ZBTB20: variants seen among roughly 807,000 people sequenced by gnomAD.
ZBTB20 encodes the protein zinc finger and BTB domain-containing protein 20.
Under a neutral mutation model 56.9 loss-of-function variants are expected in ZBTB20, and 9 were observed. That is an observed-to-expected ratio of 0.16 (90% CI 0.10 to 0.28). ZBTB20 has a LOEUF of 0.28. ZBTB20 is among the 10% of genes least tolerant of loss of function. The probability of loss-of-function intolerance (pLI) is 1.00; values close to 1 mark genes in which losing one functional copy is unlikely to be tolerated. For missense variants in ZBTB20, 655 were observed against 1,003.0 expected (o/e 0.65, Z 4.69); for synonymous variants, 417 against 420.7 (o/e 0.99, Z 0.11).
At chr3:114,538,069 T>C (rs1577379246) in intron 6 of ZBTB20, among the ~76,000 whole-genome samples, 1 of 152,090 alleles carries the variant, frequency 6.6e-6, no homozygotes, top group South Asian at 2.1e-4. Flanking sequence ...CACCATGGCA[T>C]GTGTATACCT....
chr3:114,369,258 G>A (rs372277260), intron 10 of ZBTB20, among the ~76,000 whole-genome samples: 2 of 152,090 alleles, frequency 1.3e-5, no homozygotes, highest in Non-Finnish European at 2.9e-5. Context: ...TAAAAATTCT[G>A]TACTCTTTGG....
chr3:114,596,232 T>C (rs547068773), intron 6 of ZBTB20, among the ~76,000 whole-genome samples: 6 of 152,044 alleles, frequency 3.9e-5, no homozygotes, highest in African/African-American at 1.2e-4. Context: ...TAAGCAAAAA[T>C]ACAAACAAAA....
intron 7 of ZBTB20, among the ~76,000 whole-genome samples, chr3:114,444,894 A>G (rs2091171503): frequency 6.6e-6 from 1 of 152,128 alleles, no homozygotes; most frequent in African/African-American, 2.4e-5. Flanking sequence ...TGTTTTCCAA[A>G]TATAAAACAT....
At chr3:114,731,325 G>GT (rs2065734108) in intron 5 of ZBTB20, among the ~76,000 whole-genome samples, 1 of 152,026 alleles carries the variant, frequency 6.6e-6, no homozygotes, top group African/African-American at 2.4e-5. Context: ...TCTCTGCTAC[G>GT]TCATTCATGA....
chr3:114,860,300 C>A (rs1044647885), intron 4 of ZBTB20, among the ~76,000 whole-genome samples: 3 of 46,754 alleles, frequency 6.4e-5, no homozygotes, highest in Non-Finnish European at 1.4e-4. Flanking sequence ...AGCAAGACTC[C>A]GTCTCAAAAA....
Position 114,919,629 on chromosome 3 carries a change from C to T in ZBTB20, c.-455-19287G>A, listed in dbSNP as rs544702881. ...CTGAGGCAGGAGAATCACTTGAACC[C>T]GGGAGGCAGAGTTTGCAGTGAGCCA... On this transcript the variant is annotated intron_variant, in intron 3 of 11. Transcript: ENST00000675478. Among the ~76,000 whole-genome samples the T allele has an allele frequency of 3.1e-4, 47 of 151,652 alleles. 1 individual carries two copies. Among genetic ancestry groups the T allele is most frequent in the African/African-American group, 8.9e-4 (37 of 41,344 alleles).
intron 5 of ZBTB20, among the ~76,000 whole-genome samples, chr3:114,746,592 T>C (rs1177951934): frequency 6.6e-6 from 1 of 152,168 alleles, no homozygotes; most frequent in Non-Finnish European, 1.5e-5. Flanking sequence ...ACACTACAGC[T>C]TGAAACAGCT....
chr3:114,463,981 T>C (rs1411368370), intron 7 of ZBTB20, among the ~76,000 whole-genome samples: 2 of 152,240 alleles, frequency 1.3e-5, no homozygotes, highest in African/African-American at 4.8e-5. Flanking sequence ...TCTGAATATA[T>C]TGAACTGCTA....
chr3:115,013,229 G>T (rs1418061912), intron 2 of ZBTB20, among the ~76,000 whole-genome samples: 1 of 151,294 alleles, frequency 6.6e-6, no homozygotes, highest in African/African-American at 2.4e-5. Flanking sequence ...AGATAAATGA[G>T]TAGAAAATGA....
chr3:115,014,044 A>C (rs1012040395), intron 2 of ZBTB20, among the ~76,000 whole-genome samples: 2 of 151,780 alleles, frequency 1.3e-5, no homozygotes, highest in African/African-American at 4.8e-5. Context: ...TGGATAAAGA[A>C]AATGCAGTAT....
At chr3:114,992,766 A>G (rs55746370) in intron 2 of ZBTB20, among the ~76,000 whole-genome samples, 20,750 of 151,826 alleles carry the variant, frequency 0.14, 3,221 homozygotes, top group African/African-American at 0.38. Context: ...GAGTAATAAA[A>G]CTAGAAATCT....
At chr3:114,475,509 C>A (rs779453061) in intron 7 of ZBTB20, among the ~76,000 whole-genome samples, 1 of 152,072 alleles carries the variant, frequency 6.6e-6, no homozygotes, top group Non-Finnish European at 1.5e-5. Flanking sequence ...CATGTATGTA[C>A]TTTACACACA....
In ZBTB20 at chr3:114,938,597, G is replaced by A. The variant is rs1020944520; in HGVS notation, c.-456+35769C>T. On this transcript the variant is annotated intron_variant, in intron 3 of 11. Coordinates refer to ENST00000675478, the MANE Select transcript of ZBTB20 (RefSeq NM_001348800.3). ...ACAGAAAACCAAACACCGCATGTTC[G>A]CACTCATAAGTGGGAGCTGAACAAT... 3.4e-5 allele frequency among the ~76,000 whole-genome samples: 5 copies of A among 145,684 alleles called. 1 individual carries two copies. In the South Asian group the frequency reaches 6.4e-4, roughly 19 times the overall value.
chr3:115,111,758 T>G (rs2083889786), intron 1 of ZBTB20, among the ~76,000 whole-genome samples: 1 of 152,150 alleles, frequency 6.6e-6, no homozygotes, highest in East Asian at 1.9e-4. Context: ...TTAGAGAAGT[T>G]TTAGGTAGTG....
At chr3:114,822,505 C>T (rs373725288) in intron 4 of ZBTB20, among the ~76,000 whole-genome samples, 1 of 151,928 alleles carries the variant, frequency 6.6e-6, no homozygotes, top group African/African-American at 2.4e-5. Flanking sequence ...AATGATAAGA[C>T]CTTATTTTTC....
chr3:114,852,080 G>A (rs2075028004), intron 4 of ZBTB20, among the ~76,000 whole-genome samples: 1 of 151,098 alleles, frequency 6.6e-6, no homozygotes, highest in Admixed American at 6.6e-5. Flanking sequence ...ATCAGTAGAA[G>A]TTCTTCTCCT....
At chr3:114,844,519 T>TAAAAAAAA in intron 4 of ZBTB20, among the ~76,000 whole-genome samples, 1 of 896 alleles carries the variant, frequency 1.1e-3, no homozygotes, top group Non-Finnish European at 4.9e-3. Flanking sequence ...AGTCCCTGTC[T>TAAAAAAAA]CAAAAAAAAA....
At chr3:114,722,722 G>C (rs995347905) in intron 5 of ZBTB20, among the ~76,000 whole-genome samples, 3 of 152,076 alleles carry the variant, frequency 2.0e-5, no homozygotes, top group African/African-American at 7.2e-5. Flanking sequence ...CCTTTTCTCA[G>C]TTGCTGTCAT....
chr3:114,548,204 G>T (rs2050131111), intron 6 of ZBTB20, among the ~76,000 whole-genome samples: 1 of 152,200 alleles, frequency 6.6e-6, no homozygotes, highest in East Asian at 1.9e-4. Flanking sequence ...TTATATTGTG[G>T]ATTCTTTCTT....
Sources: gnomAD v4.1 joint callset for allele counts (sites outside exome capture counted in the v4.1 genomes callset) on GRCh38, gnomAD v4.1.1 for gene constraint, MANE v1.5 for transcripts, NCBI Gene and HGNC (gene_info 2026-07-23, HGNC 2026-07-21) for gene names.